The following EPHB1 variants were observed in gnomAD, a reference collection of about 807,000 sequenced individuals.
The protein encoded by EPHB1 is ephrin type-B receptor 1.
EPHB1 carries 30 observed loss-of-function variants against 94.4 expected under a neutral mutation model. The observed-to-expected ratio is 0.32, with a 90% CI of 0.24 to 0.43. The LOEUF is 0.43. EPHB1 is among the 20% of genes least tolerant of loss of function. The pLI, the probability that EPHB1 is intolerant of heterozygous loss-of-function variation, is 1.00. For missense variants in EPHB1, 1,055 were observed against 1,308.3 expected (o/e 0.81, Z 2.99); for synonymous variants, 522 against 489.1 (o/e 1.07, Z -0.89).
chr3:135,227,927 C>T (rs181146278), intron 12 of EPHB1, among the ~76,000 whole-genome samples: 1 of 152,070 alleles, frequency 6.6e-6, no homozygotes, highest in Non-Finnish European at 1.5e-5. Context: ...TTGGAAGATA[C>T]GTTACATACA....
intron 1 of EPHB1, among the ~76,000 whole-genome samples, chr3:134,887,410 G>A (rs184564574): frequency 2.0e-5 from 3 of 152,312 alleles, no homozygotes; most frequent in African/African-American, 4.8e-5. Flanking sequence ...CTGGCTTCAG[G>A]AAGATGGAGA....
intron 4 of EPHB1, among the ~76,000 whole-genome samples, chr3:135,115,967 G>C (rs1939684323): frequency 6.6e-6 from 1 of 152,148 alleles, no homozygotes; most frequent in African/African-American, 2.4e-5. Flanking sequence ...TGTAATCCCA[G>C]GACTTTGGGA....
At chr3:135,014,258 T>C (rs1935718198) in intron 3 of EPHB1, among the ~76,000 whole-genome samples, 1 of 151,950 alleles carries the variant, frequency 6.6e-6, no homozygotes, top group African/African-American at 2.4e-5. Flanking sequence ...GTTTGGAGGG[T>C]GGGCAGGGAC....
At chr3:134,998,711 T>G (rs930947980) in intron 3 of EPHB1, among the ~76,000 whole-genome samples, 1 of 152,242 alleles carries the variant, frequency 6.6e-6, no homozygotes, top group African/African-American at 2.4e-5. Context: ...ATTTATTCAT[T>G]TATCTGTCTT....
chr3:134,985,212 G>T (rs1265690468), intron 3 of EPHB1, among the ~76,000 whole-genome samples: 1 of 152,128 alleles, frequency 6.6e-6, no homozygotes, highest in East Asian at 1.9e-4. Context: ...TGGAGTCCAT[G>T]GTGCGATCTC....
At chr3:134,896,523 C>T (rs1007573074) in intron 1 of EPHB1, among the ~76,000 whole-genome samples, 1 of 152,192 alleles carries the variant, frequency 6.6e-6, no homozygotes, top group African/African-American at 2.4e-5. Flanking sequence ...TTATTTCCAC[C>T]CCCACTGATG....
rs186542439 is a variant in EPHB1 at position 135,152,045 on chromosome 3, G to C, written c.1298-2107G>C. 2.0e-5 allele frequency among the ~76,000 whole-genome samples: 3 copies of C among 152,300 alleles called. No individual in the cohort carries two copies. In the East Asian group the frequency reaches 5.8e-4, roughly 29 times the overall value. On this transcript the variant is annotated intron_variant, in intron 5 of 15. Transcript: ENST00000398015. The stretch of plus-strand genomic sequence containing the variant: ...CTTTGCTGCTCAAATAGTGGAAAGA[G>C]AATTGGATTCACTTCCAAGCCCCAA...
chr3:135,191,994 T>G (rs1942467787), intron 10 of EPHB1, among the ~76,000 whole-genome samples: 3 of 152,238 alleles, frequency 2.0e-5, no homozygotes, highest in Admixed American at 2.0e-4. Context: ...CATGGTGATC[T>G]TGGGCTGTCT....
At position 135,070,042 on chromosome 3, in the gene EPHB1, A is replaced by G. The variant is rs116793031; in HGVS notation, c.806-36406A>G. 8.0e-3 allele frequency among the ~76,000 whole-genome samples: 1,211 copies of G among 152,318 alleles called. 15 individuals carry two copies. The highest frequency in any genetic ancestry group is 0.027 in the African/African-American group (1,137 of 41,562). On this transcript the variant is annotated intron_variant, in intron 3 of 15. Coordinates refer to ENST00000398015, the MANE Select transcript of EPHB1 (RefSeq NM_004441.5). Reference sequence around the variant, plus strand: ...GGGGGATGTGCTATGCAGCTTCCACAGTGTTTAACTGTGGAAGAGTTATTG... The same window carrying G: ...GGGGGATGTGCTATGCAGCTTCCACGGTGTTTAACTGTGGAAGAGTTATTG...
At chr3:134,982,312 G>A (rs1308549397) in intron 3 of EPHB1, among the ~76,000 whole-genome samples, 2 of 152,144 alleles carry the variant, frequency 1.3e-5, no homozygotes, top group African/African-American at 2.4e-5. Context: ...ATAAAGGAGG[G>A]AGAGAAAGAG....
At chr3:134,892,750 C>T (rs2038011286) in intron 1 of EPHB1, among the ~76,000 whole-genome samples, 1 of 152,100 alleles carries the variant, frequency 6.6e-6, no homozygotes, top group African/African-American at 2.4e-5. Context: ...TTTCCCTAGG[C>T]CCTTCCTTTT....
chr3:135,100,701 C>A (rs1939004222), intron 3 of EPHB1, among the ~76,000 whole-genome samples: 1 of 152,086 alleles, frequency 6.6e-6, no homozygotes, highest in Admixed American at 6.6e-5. Context: ...AGAGGAGTGT[C>A]TCGAGAGTAT....
At chr3:134,997,107 G>A (rs1451269752) in intron 3 of EPHB1, among the ~76,000 whole-genome samples, 4 of 152,176 alleles carry the variant, frequency 2.6e-5, no homozygotes, top group Non-Finnish European at 4.4e-5. Context: ...TTAGGGATTG[G>A]ATATAAAGTA....
At chr3:134,819,878 G>A (rs1404941565) in intron 1 of EPHB1, among the ~76,000 whole-genome samples, 1 of 152,162 alleles carries the variant, frequency 6.6e-6, no homozygotes, top group Non-Finnish European at 1.5e-5. Context: ...CCTTGCTTGG[G>A]TGGGCCCAGC....
At chr3:134,888,912 A>T (rs987628843) in intron 1 of EPHB1, among the ~76,000 whole-genome samples, 2 of 134,942 alleles carry the variant, frequency 1.5e-5, no homozygotes, top group Non-Finnish European at 3.4e-5. Context: ...CTGGAAGGGG[A>T]GGGGGGCCCT....
chr3:135,006,734 C>T (rs1376165847), intron 3 of EPHB1, among the ~76,000 whole-genome samples: 1 of 152,104 alleles, frequency 6.6e-6, no homozygotes, highest in Non-Finnish European at 1.5e-5. Flanking sequence ...CTGTAGGAAT[C>T]CAAATATATC....
intron 11 of EPHB1, among the ~76,000 whole-genome samples, chr3:135,194,003 A>G (rs1942531785): frequency 6.6e-6 from 1 of 152,132 alleles, no homozygotes; most frequent in Non-Finnish European, 1.5e-5. Flanking sequence ...GGTCAGTGCC[A>G]TCTTTCTAGG....
intron 10 of EPHB1, among the ~76,000 whole-genome samples, chr3:135,187,655 G>A (rs1476014297): frequency 1.3e-5 from 2 of 152,110 alleles, no homozygotes; most frequent in East Asian, 3.9e-4. Flanking sequence ...CTATAAGGCT[G>A]TAGGTTGTGG....
chr3:134,880,375 G>A (rs538986394), intron 1 of EPHB1, among the ~76,000 whole-genome samples: 9 of 152,282 alleles, frequency 5.9e-5, no homozygotes, highest in African/African-American at 2.2e-4. Flanking sequence ...ATACCTTCAG[G>A]GCTGGTTTGA....
Sources: gnomAD v4.1 joint callset for allele counts (sites outside exome capture counted in the v4.1 genomes callset) on GRCh38, gnomAD v4.1.1 for gene constraint, MANE v1.5 for transcripts, NCBI Gene and HGNC (gene_info 2026-07-23, HGNC 2026-07-21) for gene names.